The following WHAMM variants were observed in gnomAD, a reference collection of about 807,000 sequenced individuals.
The protein encoded by WHAMM is WASP homolog-associated protein with actin, membranes and microtubules.
WHAMM carries 67 observed loss-of-function variants against 76.5 expected under a neutral mutation model. The observed-to-expected ratio is 0.88, with a 90% CI of 0.72 to 1.07. WHAMM has a LOEUF of 1.07. WHAMM is among the 50% of genes least tolerant of loss of function. The probability of loss-of-function intolerance (pLI) is 0.00; values close to 1 mark genes in which losing one functional copy is unlikely to be tolerated. For missense variants in WHAMM, 1,021 were observed against 1,051.1 expected, an observed-to-expected ratio of 0.97 and a Z score of 0.40; for synonymous variants, 419 against 422.1, an observed-to-expected ratio of 0.99 and a Z score of 0.09.
At chr15:82,827,526 A>G (rs991032967) in intron 8 of WHAMM, among the ~76,000 whole-genome samples, 1 of 152,226 alleles carries the variant, frequency 6.6e-6, no homozygotes, top group Non-Finnish European at 1.5e-5. Flanking sequence ...TAATCATTGT[A>G]CATATTTATG....
chr15:82,826,901 C>G (rs2050945868), intron 8 of WHAMM, 55 bp downstream of exon 8: 1 of 1,489,780 alleles, frequency 6.7e-7, no homozygotes, highest in Non-Finnish European at 8.9e-7. Flanking sequence ...AACTGAAGAC[C>G]ACCCTAAAAA....
rs542425037 is a variant in WHAMM, at chr15:82,835,037, T to G, written c.*1501T>G. 1.3e-5 allele frequency: 2 copies of G among 152,336 alleles called. No homozygotes were observed. Among genetic ancestry groups the G allele is most frequent in the East Asian group, 3.9e-4 (2 of 5,192 alleles). The allele number at this position is 152,336 out of a possible 1,614,324, so 9.4% of individuals were successfully genotyped here. A position where few individuals can be genotyped will look rare whatever the true frequency, so the allele number is the denominator to read the frequency against. On this transcript the variant is annotated 3_prime_UTR_variant, in exon 10 of 10. Transcript: ENST00000286760. ...CTCATCACCCTCACTCTGGTGATAT[T>G]ACTCCTGGGTCTCCACAGAACAAAA...
Position 82,816,824 on chromosome 15 carries a change from A to G in WHAMM, c.916A>G (p.Thr306Ala). The G allele has an allele frequency of 6.4e-7, 1 of 1,563,706 alleles. No individual in the cohort carries two copies. The highest frequency in any genetic ancestry group is 8.7e-7 in the Non-Finnish European group (1 of 1,153,116). ...TATCACAGTGAATTATTTTAAGGAG[A>G]CAGTAAAAGCATTAGCAGGTGATAA... ...QDITVNYFKETVKALAGMQKE... is the reference protein window; with the variant it reads ...QDITVNYFKEAVKALAGMQKE... The change falls in exon 3 of 10, where the codon ACA (threonine) becomes GCA (alanine). Residue 306 changes from threonine (T) to alanine (A), a missense_variant. This residue lies in a region of WHAMM where 501 missense variants were observed against 524.9 expected (regional missense o/e 0.95). Transcript: ENST00000286760.
At chr15:82,823,042 T>C (rs2050861951) in intron 5 of WHAMM, 58 bp from the exon 6 acceptor site, 2 of 1,249,832 alleles carry the variant, frequency 1.6e-6, no homozygotes, top group Non-Finnish European at 2.1e-6. Flanking sequence ...TTAAAAAAAT[T>C]CAATGCATTT....
In WHAMM at chr15:82,835,149, C is replaced by CAT. The variant is rs1567002313; in HGVS notation, c.*1614_*1615insTA. ...AGTTTTTTTGTTTTTTTTTTTGAGA[C>CAT]AGAGTCTTGCTCTGTCAACCAGGCT... On this transcript the variant is annotated 3_prime_UTR_variant, in exon 10 of 10. Transcript: ENST00000286760. 6.8e-6 allele frequency: 1 copy of CAT among 146,812 alleles called. No homozygotes were observed. Among genetic ancestry groups the CAT allele is most frequent in the Non-Finnish European group, 1.5e-5 (1 of 66,770 alleles). 9.1% of individuals were successfully genotyped at this position (146,812 alleles called of 1,614,324 possible). A position where few individuals can be genotyped will look rare whatever the true frequency, so the allele number is the denominator to read the frequency against.
At chr15:82,818,334 A>G (rs2050763102) in intron 4 of WHAMM, among the ~76,000 whole-genome samples, 2 of 152,124 alleles carry the variant, frequency 1.3e-5, no homozygotes, top group Non-Finnish European at 1.5e-5. Context: ...CTGTGTATAC[A>G]CATTACTTAG....
In WHAMM at chr15:82,817,924, G is replaced by T; in HGVS notation, c.939G>T (p.Met313Ile). ...TTTATTTTTATAATCCAACAGGAATGCAGAAAGAAATGGAACAGGATGCGA... is the reference window on the plus strand; with the variant it reads ...TTTATTTTTATAATCCAACAGGAATTCAGAAAGAAATGGAACAGGATGCGA... ...FKETVKALAGMQKEMEQDAKR... is the reference protein window; with the variant it reads ...FKETVKALAGIQKEMEQDAKR... The change falls in exon 4 of 10, where the codon ATG (methionine) becomes ATT (isoleucine). Residue 313 changes from methionine (M) to isoleucine (I), a missense_variant. Coordinates refer to ENST00000286760, the MANE Select transcript of WHAMM (RefSeq NM_001080435.3). The T allele has an allele frequency of 4.6e-6, 7 of 1,521,582 alleles. No individual in the cohort carries two copies. Among genetic ancestry groups the T allele is most frequent in the African/African-American group, 1.4e-5 (1 of 71,958 alleles). 94.3% of individuals were successfully genotyped at this position (1,521,582 alleles called of 1,614,324 possible).
In WHAMM at chr15:82,812,991, A is replaced by T. The variant is rs138355823; in HGVS notation, c.610-112A>T. 1.9e-4 allele frequency: 144 copies of T among 769,902 alleles called. No individual in the cohort carries two copies. In the East Asian group the frequency reaches 3.8e-3, roughly 20 times the overall value. The allele number at this position is 769,902 out of a possible 1,614,324, so 47.7% of individuals were successfully genotyped here. On this transcript the variant is annotated intron_variant, in intron 1 of 9. Transcript: ENST00000286760. Reference sequence around the variant, plus strand: ...TTTTCATATTTAATCAGTATTTAAAATTGATGTATTAAAAGTTGAGAACAT... The same window carrying T: ...TTTTCATATTTAATCAGTATTTAAATTTGATGTATTAAAAGTTGAGAACAT...
At position 82,834,817 on chromosome 15, in the gene WHAMM, T is replaced by C. The variant is rs2051105820; in HGVS notation, c.*1281T>C. 2 of 152,198 alleles carry C rather than the reference T, an allele frequency of 1.3e-5. No homozygotes were observed. The highest frequency in any genetic ancestry group is 4.1e-4 in the South Asian group (2 of 4,826). 9.4% of individuals were successfully genotyped at this position (152,198 alleles called of 1,614,324 possible). A position where few individuals can be genotyped will look rare whatever the true frequency, so the allele number is the denominator to read the frequency against. On this transcript the variant is annotated 3_prime_UTR_variant, in exon 10 of 10. Transcript: ENST00000286760. ...CTTCCGTGTCCGGGTGGGCTGAAAG[T>C]TTTTAATAAAATTTTAGCTAAACAT...
rs761768904 is a variant in WHAMM at position 82,830,597 on chromosome 15, AGAAACGCCTAGCTCAATCTGTCC to A, written c.1646_1668del (p.Arg549HisfsTer14). The stretch of plus-strand genomic sequence containing the variant: ...TTGCTCACCATGGTTTTTCATTTTC[AGAAACGCCTAGCTCAATCTGTCC>A]GAAACACCTCTGGCTCAGAACCTGT... On this transcript the variant is annotated splice_acceptor_variant and coding_sequence_variant, in exon 9 of 10. Transcript: ENST00000286760. LOFTEE classifies it high-confidence loss of function. The A allele has an allele frequency of 1.5e-5, 24 of 1,599,540 alleles. No individual in the cohort carries two copies. The highest frequency in any genetic ancestry group is 1.1e-5 in the Non-Finnish European group (13 of 1,170,044).
At position 82,835,923 on chromosome 15, in the gene WHAMM, T is replaced by C. The variant is rs2051121504; in HGVS notation, c.*2387T>C. 1 of 152,248 alleles carries C rather than the reference T, an allele frequency of 6.6e-6. No individual in the cohort carries two copies. Among genetic ancestry groups the C allele is most frequent in the Non-Finnish European group, 1.5e-5 (1 of 68,040 alleles). 9.4% of individuals were successfully genotyped at this position (152,248 alleles called of 1,614,324 possible). A position where few individuals can be genotyped will look rare whatever the true frequency, so the allele number is the denominator to read the frequency against. On this transcript the variant is annotated 3_prime_UTR_variant, in exon 10 of 10. Transcript: ENST00000286760. The stretch of plus-strand genomic sequence containing the variant: ...AACTTTGTGGGACTTTTCTTATGCA[T>C]ATTTTGCAGTTTGGCATTGTTTGTA...
chr15:82,815,809 C>T (rs902544787), intron 2 of WHAMM, among the ~76,000 whole-genome samples: 5 of 152,144 alleles, frequency 3.3e-5, no homozygotes, highest in African/African-American at 7.2e-5. Context: ...AATTCCTTGT[C>T]GGCTAACTTG....
chr15:82,820,986 G>C (rs1313807971), intron 5 of WHAMM, among the ~76,000 whole-genome samples: 1 of 150,758 alleles, frequency 6.6e-6, no homozygotes, highest in East Asian at 1.9e-4. Context: ...CCATTCTTTT[G>C]CATTTTTGCT....
At position 82,835,451 on chromosome 15, in the gene WHAMM, A is replaced by G. The variant is rs2051115937; in HGVS notation, c.*1915A>G. The G allele has an allele frequency of 6.6e-6, 1 of 152,334 alleles. No individual in the cohort carries two copies. Among genetic ancestry groups the G allele is most frequent in the South Asian group, 2.1e-4 (1 of 4,830 alleles). The allele number at this position is 152,334 out of a possible 1,614,324, so 9.4% of individuals were successfully genotyped here. A position where few individuals can be genotyped will look rare whatever the true frequency, so the allele number is the denominator to read the frequency against. Reference sequence around the variant, plus strand: ...CCAGTGTCTTAACTAACTGGTACACAGCAGCCTGAGGGGCCTCAGTTGGCA... The same window carrying G: ...CCAGTGTCTTAACTAACTGGTACACGGCAGCCTGAGGGGCCTCAGTTGGCA... On this transcript the variant is annotated 3_prime_UTR_variant, in exon 10 of 10. Transcript: ENST00000286760.
In WHAMM at chr15:82,811,566, G is replaced by A. The variant is rs1265784598; in HGVS notation, c.609+1231G>A. Among the ~76,000 whole-genome samples the A allele has an allele frequency of 2.6e-5, 4 of 152,294 alleles. No individual in the cohort carries two copies. In the East Asian group the frequency reaches 7.7e-4, roughly 29 times the overall value. ...TCATACTGTTGAGCTAGCCGTTCAC[G>A]TTAGTGTAGTTCACATATTTATCTG... On this transcript the variant is annotated intron_variant, in intron 1 of 9. Transcript: ENST00000286760.
rs778808323 is a variant in WHAMM, at chr15:82,809,921, C to G, written c.195C>G (p.Pro65=). Residue 65 remains proline, a synonymous_variant, in exon 1 of 10, where the codon CCC becomes CCG. Transcript: ENST00000286760. ...AGGGGGCCCGGTTGGGGCCCGAGCCCGAGCCCAAGCCTGAGGCCGCCGTCT... is the reference window on the plus strand; with the variant it reads ...AGGGGGCCCGGTTGGGGCCCGAGCCGGAGCCCAAGCCTGAGGCCGCCGTCT... ...LREGARLGPE[P]EPKPEAAVSP... is the part of the protein sequence containing the mutation. The G allele has an allele frequency of 6.6e-7, 1 of 1,508,748 alleles. No homozygotes were observed. Among genetic ancestry groups the G allele is most frequent in the South Asian group, 1.2e-5 (1 of 80,644 alleles). The allele number at this position is 1,508,748 out of a possible 1,614,324, so 93.5% of individuals were successfully genotyped here.
In WHAMM at chr15:82,818,003, C is replaced by G. The variant is rs1055666; in HGVS notation, c.1018C>G (p.Gln340Glu). The part of the protein sequence containing the change: ...ATAIPRLEKL[Q>E]LMLARETLQL... ...AGCAATTCCCAGGTTGGAAAAACTT[C>G]AGCTAATGCTAGCTCGAGAGACTCT... The change falls in exon 4 of 10, where the codon CAG becomes GAG. Residue 340 changes from glutamine to glutamate, a missense_variant. Gln to Glu is a conservative substitution (Grantham distance 29, BLOSUM62 2). Around this residue, in one of 3 missense-constraint regions of WHAMM, gnomAD observed 501 missense variants for 524.9 expected, o/e 0.95. Transcript: ENST00000286760. 75 of 1,549,072 alleles carry G rather than the reference C, an allele frequency of 4.8e-5. No homozygotes were observed. The East Asian group carries it at 1.6e-3, about 33-fold the overall frequency.
intron 2 of WHAMM, among the ~76,000 whole-genome samples, chr15:82,814,565 C>G (rs1462326535): frequency 6.6e-6 from 1 of 151,886 alleles, no homozygotes; most frequent in Non-Finnish European, 1.5e-5. Context: ...ATTCTCTTGC[C>G]TCAGCCTCCC....
intron 9 of WHAMM, 64 bp downstream of exon 9, chr15:82,831,143 T>C: frequency 6.5e-7 from 1 of 1,537,658 alleles, no homozygotes; most frequent in Non-Finnish European, 8.7e-7. Context: ...CATTCTAGCT[T>C]CAGAAGCCAT....
Sources: allele counts gnomAD v4.1 joint callset (sites outside exome capture counted in the v4.1 genomes callset), GRCh38; gene constraint gnomAD v4.1.1; regional missense constraint gnomAD v4.1.1; transcripts MANE v1.5; gene names NCBI Gene and HGNC (gene_info 2026-07-23, HGNC 2026-07-21).